Variants in ANKRD11 observed in about 807,000 individuals in gnomAD.
The protein encoded by ANKRD11 is ankyrin repeat domain-containing protein 11.
Under a neutral mutation model 195.7 loss-of-function variants are expected in ANKRD11, and 17 were observed. That is an observed-to-expected ratio of 0.09 (90% confidence interval 0.06 to 0.13). The LOEUF is 0.13. Among genes scored for constraint, ANKRD11 ranks in the 10% least tolerant of loss-of-function variants. ANKRD11 has a pLI of 1.00. For synonymous variants in ANKRD11, 1,953 were observed against 1,528.1 expected (o/e 1.28, Z -6.49); for missense variants, 3,735 against 3,566.1 (o/e 1.05, Z -1.21).
chr16:89,380,317 G>T (rs2040589906), intron 2 of ANKRD11, among the ~76,000 whole-genome samples: 1 of 152,156 alleles, frequency 6.6e-6, no homozygotes, highest in Non-Finnish European at 1.5e-5. Flanking sequence ...TCTCCATGTT[G>T]GCCAAGCTGG....
chr16:89,419,045 A>G (rs939801773), intron 1 of ANKRD11, among the ~76,000 whole-genome samples: 2 of 152,226 alleles, frequency 1.3e-5, no homozygotes, highest in Non-Finnish European at 2.9e-5. Context: ...TTTAACTTTA[A>G]GAAGCATATT....
intron 1 of ANKRD11, among the ~76,000 whole-genome samples, chr16:89,453,854 C>G (rs1455536402): frequency 6.6e-6 from 1 of 152,166 alleles, no homozygotes; most frequent in African/African-American, 2.4e-5. Context: ...TGGAGCCAGC[C>G]TGCCCAGGGT....
chr16:89,415,850 A>AAAAAAAAAAAAAAAAAAAAAC (rs928499930), intron 2 of ANKRD11, among the ~76,000 whole-genome samples: 30 of 147,376 alleles, frequency 2.0e-4, no homozygotes, highest in Non-Finnish European at 3.7e-4. Context: ...AAAAAAAAAA[A>AAAAAAAAAAAAAAAAAAAAAC]CAATGGAGAA....
chr16:89,297,853 CT>C (rs927423518), intron 4 of ANKRD11: 1 of 152,208 alleles, frequency 6.6e-6, no homozygotes, highest in African/African-American at 2.4e-5. Context: ...GGGCCTACCC[CT>C]GTCTGCTGCG....
chr16:89,287,070 A>C, intron 7 of ANKRD11: 1 of 1,289,832 alleles, frequency 7.8e-7, no homozygotes, highest in Non-Finnish European at 1.0e-6. Context: ...TCAGAGGTCA[A>C]GGTGCTGGCA....
At chr16:89,434,366 C>A (rs111551268) in intron 1 of ANKRD11, among the ~76,000 whole-genome samples, 3 of 152,346 alleles carry the variant, frequency 2.0e-5, no homozygotes, top group African/African-American at 4.8e-5. Flanking sequence ...TAAAGCAATT[C>A]TTCTCTAACT....
intron 1 of ANKRD11, among the ~76,000 whole-genome samples, chr16:89,440,473 G>T (rs1434151271): frequency 2.0e-5 from 3 of 152,064 alleles, no homozygotes; most frequent in Non-Finnish European, 4.4e-5. Flanking sequence ...AAACTTAGCT[G>T]GGCATGGAGG....
chr16:89,324,157 C>A, intron 2 of ANKRD11: 2 of 1,067,022 alleles, frequency 1.9e-6, no homozygotes, highest in Non-Finnish European at 2.4e-6. Context: ...TGTTTCCACT[C>A]ACATTTTCTG....
intron 2 of ANKRD11, among the ~76,000 whole-genome samples, chr16:89,367,962 C>T (rs1185577249): frequency 4.0e-5 from 6 of 151,462 alleles, no homozygotes; most frequent in Middle Eastern, 3.4e-3. Context: ...CATGACTGCA[C>T]CACTGCACTC....
intron 1 of ANKRD11, among the ~76,000 whole-genome samples, chr16:89,445,992 ATTT>A (rs35107516): frequency 6.8e-6 from 1 of 146,790 alleles, no homozygotes; most frequent in Non-Finnish European, 1.5e-5. Flanking sequence ...AAAAAAAAAA[ATTT>A]TTTGTTAAAA....
chr16:89,295,944 C>T (rs1358729751), intron 4 of ANKRD11, among the ~76,000 whole-genome samples: 1 of 129,916 alleles, frequency 7.7e-6, no homozygotes. Context: ...TGTGAACCGC[C>T]TGGGGGTGCT....
At chr16:89,466,896 G>C (rs929657833) in intron 1 of ANKRD11, among the ~76,000 whole-genome samples, 2 of 152,370 alleles carry the variant, frequency 1.3e-5, no homozygotes, top group South Asian at 2.1e-4. Flanking sequence ...CTGGAGGTCA[G>C]TGGCCGGAGA....
intron 2 of ANKRD11, among the ~76,000 whole-genome samples, chr16:89,334,136 C>A (rs1183811243): frequency 1.1e-5 from 1 of 91,022 alleles, no homozygotes; most frequent in Non-Finnish European, 1.9e-5. Flanking sequence ...TGATGAAACC[C>A]TGTGTTTTAA....
At chr16:89,286,345 T>C in intron 7 of ANKRD11, 159 bp from the exon 8 acceptor site, 2 of 1,064,302 alleles carry the variant, frequency 1.9e-6, no homozygotes, top group Non-Finnish European at 1.4e-6. Context: ...AGGGACTGCC[T>C]GGCGAGGCTC....
At chr16:89,466,146 C>T (rs1174628012) in intron 1 of ANKRD11, among the ~76,000 whole-genome samples, 1 of 152,184 alleles carries the variant, frequency 6.6e-6, no homozygotes, top group Non-Finnish European at 1.5e-5. Context: ...CTCAGGCACA[C>T]CAGGTAAACA....
chr16:89,380,947 G>A (rs966204398), intron 2 of ANKRD11, among the ~76,000 whole-genome samples: 9 of 152,216 alleles, frequency 5.9e-5, no homozygotes, highest in African/African-American at 2.2e-4. Flanking sequence ...GCTTCCCAGT[G>A]TGGGCCCACT....
At chr16:89,396,867 A>G (rs1360866710) in intron 2 of ANKRD11, among the ~76,000 whole-genome samples, 1 of 152,144 alleles carries the variant, frequency 6.6e-6, no homozygotes, top group East Asian at 1.9e-4. Context: ...TTATATTTTT[A>G]GTAAAGACGG....
intron 1 of ANKRD11, among the ~76,000 whole-genome samples, chr16:89,462,205 G>A (rs998067152): frequency 3.3e-5 from 5 of 152,150 alleles, no homozygotes; most frequent in African/African-American, 4.8e-5. Context: ...TCAGCCTGCC[G>A]AGTGCCTGCG....
At chr16:89,445,803 C>T (rs1489691647) in intron 1 of ANKRD11, among the ~76,000 whole-genome samples, 2 of 151,762 alleles carry the variant, frequency 1.3e-5, no homozygotes, top group East Asian at 1.9e-4. Context: ...GGAGAAACCC[C>T]GTCTCTACTA....
Sources: allele counts gnomAD v4.1 joint callset (sites outside exome capture counted in the v4.1 genomes callset), GRCh38; gene constraint gnomAD v4.1.1; transcripts MANE v1.5; gene names NCBI Gene and HGNC (gene_info 2026-07-23, HGNC 2026-07-21).